The following BSPH1 variants were observed in gnomAD, a reference collection of about 807,000 sequenced individuals.
BSPH1 encodes the protein binder of sperm protein homolog 1, also known as binder of sperm 1.
In BSPH1, 21 loss-of-function variants were observed where a neutral mutation model predicts 22.5. That is an observed-to-expected ratio of 0.93 (90% CI 0.66 to 1.35). The LOEUF (loss-of-function observed/expected upper bound fraction) is 1.35, where lower values mean the gene tolerates loss of function less well. Among genes scored for constraint, BSPH1 ranks in the 40% most tolerant of loss-of-function variants. BSPH1 has a pLI of 0.00. For synonymous variants in BSPH1, 42 were observed against 53.6 expected, an observed-to-expected ratio of 0.78 and a Z score of 0.95; for missense variants, 141 against 154.2, an observed-to-expected ratio of 0.91 and a Z score of 0.45.
intron 1 of BSPH1, among the ~76,000 whole-genome samples, chr19:47,985,262 G>GA (rs1270661624): frequency 6.6e-6 from 1 of 151,860 alleles, no homozygotes; most frequent in African/African-American, 2.4e-5. Flanking sequence ...GCCAGAGGGG[G>GA]AAAAATACCT....
chr19:47,988,075 C>T (rs1193169416), intron 1 of BSPH1, among the ~76,000 whole-genome samples: 3 of 151,944 alleles, frequency 2.0e-5, no homozygotes, highest in Admixed American at 1.3e-4. Context: ...AAAATCCTGC[C>T]GTTTTCAGTA....
intron 1 of BSPH1, among the ~76,000 whole-genome samples, chr19:47,989,567 C>T (rs1969503847): frequency 8.5e-6 from 1 of 117,846 alleles, no homozygotes; most frequent in Non-Finnish European, 1.7e-5. Flanking sequence ...CTCCTCTGTC[C>T]CACTTGACTG....
At chr19:47,969,886 G>T (rs930200063) in intron 5 of BSPH1, among the ~76,000 whole-genome samples, 1 of 151,762 alleles carries the variant, frequency 6.6e-6, no homozygotes, top group Non-Finnish European at 1.5e-5. Context: ...ATTTATTTTT[G>T]TGTGTGTGAG....
At chr19:47,976,687 C>CCCCCT in intron 5 of BSPH1, 23 bp downstream of exon 5, 1 of 1,543,530 alleles carries the variant, frequency 6.5e-7, no homozygotes, top group South Asian at 1.2e-5. Flanking sequence ...ACGTCTTCAT[C>CCCCCT]CCCCTCCCCT....
rs549977015 is a variant in BSPH1, at chr19:47,976,180, C to A, written c.*2+530G>T. 3.5e-5 allele frequency among the ~76,000 whole-genome samples: 5 copies of A among 142,876 alleles called. No homozygotes were observed. The South Asian group carries it at 1.1e-3, about 31-fold the overall frequency. The allele number at this position is 142,876 out of a possible 152,430, so 93.7% of individuals were successfully genotyped here. A position where few individuals can be genotyped will look rare whatever the true frequency, so the allele number is the denominator to read the frequency against. On this transcript the variant is annotated intron_variant, in intron 5 of 5. Coordinates refer to ENST00000344839, the MANE Select transcript of BSPH1 (RefSeq NM_001128326.2). ...CATTTATTTTATTTTAGAGGTGGGT[C>A]TCTCTTTCATCACAACTCAATGCAA... is the stretch of plus-strand genomic sequence containing the variant.
At chr19:47,980,376 T>G in intron 2 of BSPH1, 1 of 520,056 alleles carries the variant, frequency 1.9e-6, no homozygotes. Flanking sequence ...AATACTTGAT[T>G]TTTGCTAAAA....
downstream of BSPH1, among the ~76,000 whole-genome samples, chr19:47,967,809 A>G (rs1969272722): frequency 6.6e-6 from 1 of 152,176 alleles, no homozygotes. Context: ...GCCAATTCTG[A>G]GGTATTGTTT....
intron 3 of BSPH1, among the ~76,000 whole-genome samples, chr19:47,978,020 A>ATATATATATATATG (rs66521353): frequency 2.1e-5 from 3 of 145,402 alleles, no homozygotes; most frequent in African/African-American, 7.5e-5. Context: ...ATATATATAT[A>ATATATATATATATG]TATATATATA....
At chr19:47,975,649 A>ATTTT (rs199878812) in intron 5 of BSPH1, among the ~76,000 whole-genome samples, 31 of 124,940 alleles carry the variant, frequency 2.5e-4, no homozygotes, top group Non-Finnish European at 2.9e-4. Flanking sequence ...AAGGTAATGC[A>ATTTT]TTTTTTTTTT....
chr19:47,973,777 G>A (rs1969334163), intron 5 of BSPH1, among the ~76,000 whole-genome samples: 1 of 152,218 alleles, frequency 6.6e-6, no homozygotes, highest in Admixed American at 6.5e-5. Flanking sequence ...GCAGCAAGAA[G>A]AAGTCAAAAT....
intron 1 of BSPH1, among the ~76,000 whole-genome samples, chr19:47,984,165 T>A (rs868048410): frequency 0.022 from 2,635 of 122,282 alleles, 32 homozygotes; most frequent in East Asian, 0.05. Flanking sequence ...AAAAAAAAAA[T>A]ATATATATAT....
Position 47,977,457 on chromosome 19 carries a change from CATA to C in BSPH1, c.169_171del (p.Tyr57del), listed in dbSNP as rs1969375919. ...TGTCTTGCCTTGGACTTGATGCAGT[CATA>C]ATATGTTCCATTTTTATAGTGGAAT... On this transcript the variant is annotated inframe_deletion, in exon 4 of 6. Coordinates refer to ENST00000344839, the MANE Select transcript of BSPH1 (RefSeq NM_001128326.2). 1.9e-5 allele frequency: 29 copies of C among 1,551,824 alleles called. No individual in the cohort carries two copies. The East Asian group carries it at 7.1e-4, about 38-fold the overall frequency.
chr19:47,980,990 G>A (rs1263317762), intron 1 of BSPH1, 49 bp from the exon 2 acceptor site: 11 of 1,047,814 alleles, frequency 1.0e-5, no homozygotes, highest in Non-Finnish European at 1.5e-5. Flanking sequence ...TAAAATAAAA[G>A]AGATGAAAGG....
In BSPH1 at chr19:47,970,946, G is replaced by C. The variant is rs1039555586; in HGVS notation, c.*3-2737C>G. Among the ~76,000 whole-genome samples, 4 of 152,270 alleles carry C rather than the reference G, an allele frequency of 2.6e-5. No homozygotes were observed. In the South Asian group the frequency reaches 8.3e-4, roughly 32 times the overall value. ...GACAAATCCTAGCTGACCCATGAAT[G>C]CATGGTTACAAAAATAATGCTTATT... On this transcript the variant is annotated intron_variant, in intron 5 of 5. Transcript: ENST00000344839.
At chr19:47,974,483 T>G (rs1158177765) in intron 5 of BSPH1, among the ~76,000 whole-genome samples, 1 of 151,972 alleles carries the variant, frequency 6.6e-6, no homozygotes, top group East Asian at 1.9e-4. Flanking sequence ...TTGGCTGGCC[T>G]GGTCTCAAAC....
chr19:47,978,001 G>GATATATATATATATATATATAT (rs10609973), intron 3 of BSPH1, among the ~76,000 whole-genome samples: 19 of 110,440 alleles, frequency 1.7e-4, no homozygotes, highest in African/African-American at 2.7e-4. Context: ...GTTAATACAG[G>GATATATATATATATATATATAT]ATATATATAT....
At chr19:47,991,062 A>AG (rs3840931) in intron 1 of BSPH1, among the ~76,000 whole-genome samples, 8,879 of 152,166 alleles carry the variant, frequency 0.058, 394 homozygotes, top group East Asian at 0.2. Flanking sequence ...TTCTTTCTTA[A>AG]GGTACCTAAA....
intron 1 of BSPH1, among the ~76,000 whole-genome samples, chr19:47,986,341 T>C (rs1435907666): frequency 1.3e-5 from 2 of 152,084 alleles, no homozygotes; most frequent in Admixed American, 1.3e-4. Flanking sequence ...TAACAATGAA[T>C]GGGGAGGAGT....
chr19:47,987,712 C>A (rs567186454), intron 1 of BSPH1, among the ~76,000 whole-genome samples: 1 of 152,214 alleles, frequency 6.6e-6, no homozygotes, highest in Non-Finnish European at 1.5e-5. Context: ...ATCAAAGAAC[C>A]TTTAGGCAGG....
Sources: allele counts gnomAD v4.1 joint callset (sites outside exome capture counted in the v4.1 genomes callset), GRCh38; gene constraint gnomAD v4.1.1; transcripts MANE v1.5; gene names NCBI Gene and HGNC (gene_info 2026-07-23, HGNC 2026-07-21).